The following RANBP2 variants were observed in gnomAD, a reference collection of about 807,000 sequenced individuals.
RANBP2 encodes E3 SUMO-protein ligase RanBP2.
RANBP2 carries 57 observed loss-of-function variants against 303.6 expected under a neutral mutation model. That is an observed-to-expected ratio of 0.19 (90% CI 0.15 to 0.23). The LOEUF (loss-of-function observed/expected upper bound fraction) is 0.23. Among genes scored for constraint, RANBP2 ranks in the 10% least tolerant of loss-of-function variants. The probability of loss-of-function intolerance (pLI) is 1.00; values close to 1 mark genes in which losing one functional copy is unlikely to be tolerated. For missense variants in RANBP2, 3,138 were observed against 3,780.8 expected (o/e 0.83, Z 4.46); for synonymous variants, 1,167 against 1,301.5 (o/e 0.90, Z 2.23).
the RANBP2 span, among the ~76,000 whole-genome samples, chr2:109,570,881 G>C: frequency 6.6e-6 from 1 of 152,176 alleles, no homozygotes; most frequent in Non-Finnish European, 1.5e-5. Context: ...AAGGATACAA[G>C]TAGGTTATAT....
chr2:109,433,545 G>A, the RANBP2 span, among the ~76,000 whole-genome samples: 6 of 152,336 alleles, frequency 3.9e-5, no homozygotes, highest in East Asian at 7.7e-4. Context: ...ACACAGAAGC[G>A]AAAGACGTGG....
At chr2:109,437,076 C>T in the RANBP2 span, 3 of 1,613,724 alleles carry the variant, frequency 1.9e-6, no homozygotes, top group South Asian at 1.1e-5. Context: ...CAGCCTCGCC[C>T]CCAACAGGCA....
chr2:109,420,680 C>T, the RANBP2 span, among the ~76,000 whole-genome samples: 1 of 152,132 alleles, frequency 6.6e-6, no homozygotes, highest in Admixed American at 6.5e-5. Flanking sequence ...CTCCTGATCT[C>T]GTGATCCGCC....
At chr2:109,049,936 T>C in the RANBP2 span, among the ~76,000 whole-genome samples, 1 of 152,188 alleles carries the variant, frequency 6.6e-6, no homozygotes. Flanking sequence ...GCTTGTCTCC[T>C]CTGGGTTCTG....
the RANBP2 span, chr2:109,347,935 C>A: frequency 6.2e-7 from 1 of 1,604,678 alleles, no homozygotes; most frequent in South Asian, 1.1e-5. Context: ...CAAGGACTGT[C>A]TGACCTTCAC....
the RANBP2 span, among the ~76,000 whole-genome samples, chr2:109,078,288 ATATATATATATAGCGTG>A: frequency 7.9e-6 from 1 of 126,542 alleles, no homozygotes; most frequent in African/African-American, 2.8e-5. Flanking sequence ...ATATATATAT[ATATATATATATAGCGTG>A]TATATATATA....
the RANBP2 span, chr2:108,847,062 A>T: frequency 3.2e-6 from 2 of 616,754 alleles, no homozygotes; most frequent in Non-Finnish European, 5.6e-6. Context: ...ATGGTTACAC[A>T]TTATAAAAAG....
the RANBP2 span, among the ~76,000 whole-genome samples, chr2:109,002,384 T>A: frequency 6.6e-6 from 1 of 152,230 alleles, no homozygotes; most frequent in Non-Finnish European, 1.5e-5. Flanking sequence ...TCACTCACTA[T>A]GTCTCCCTTG....
chr2:109,636,179 A>G, the RANBP2 span, among the ~76,000 whole-genome samples: 1 of 152,314 alleles, frequency 6.6e-6, no homozygotes, highest in East Asian at 1.9e-4. Flanking sequence ...GTGAGAAATA[A>G]ATGTCCGTTG....
At chr2:109,605,290 T>G in the RANBP2 span, 1 of 152,062 alleles carries the variant, frequency 6.6e-6, no homozygotes, top group Admixed American at 6.6e-5. Flanking sequence ...CCCAACATGG[T>G]GAAACTCTGT....
chr2:109,404,258 G>A, the RANBP2 span, among the ~76,000 whole-genome samples: 12 of 152,300 alleles, frequency 7.9e-5, no homozygotes, highest in African/African-American at 2.9e-4. Flanking sequence ...GCAGGAAAGG[G>A]CTTTAGGCTG....
the RANBP2 span, among the ~76,000 whole-genome samples, chr2:109,513,108 A>G: frequency 6.6e-6 from 1 of 152,076 alleles, no homozygotes; most frequent in Non-Finnish European, 1.5e-5. Context: ...ACCCCATGCC[A>G]TGCCACCCCA....
At chr2:108,807,768 C>T in the RANBP2 span, among the ~76,000 whole-genome samples, 1 of 152,132 alleles carries the variant, frequency 6.6e-6, no homozygotes, top group Non-Finnish European at 1.5e-5. Flanking sequence ...CAGGCGCCCA[C>T]CACCACACCT....
At chr2:109,047,921 C>A in the RANBP2 span, among the ~76,000 whole-genome samples, 1 of 152,366 alleles carries the variant, frequency 6.6e-6, no homozygotes, top group South Asian at 2.1e-4. Flanking sequence ...TTCTCCACAG[C>A]TGTTCCCTTG....
At chr2:108,996,334 C>A in the RANBP2 span, among the ~76,000 whole-genome samples, 1 of 152,168 alleles carries the variant, frequency 6.6e-6, no homozygotes, top group African/African-American at 2.4e-5. Flanking sequence ...AAGTCCAGCA[C>A]AGTTTCTCAC....
At chr2:109,318,820 T>G in the RANBP2 span, among the ~76,000 whole-genome samples, 1 of 152,194 alleles carries the variant, frequency 6.6e-6, no homozygotes, top group Non-Finnish European at 1.5e-5. Flanking sequence ...ACCCATCCAC[T>G]CAGAGGCAGA....
chr2:109,555,542 G>A, the RANBP2 span, among the ~76,000 whole-genome samples: 1 of 152,210 alleles, frequency 6.6e-6, no homozygotes, highest in South Asian at 2.1e-4. Flanking sequence ...TTAGTAAAGA[G>A]CAAACTATTC....
chr2:109,583,500 G>T, the RANBP2 span, among the ~76,000 whole-genome samples: 2 of 152,138 alleles, frequency 1.3e-5, no homozygotes, highest in Non-Finnish European at 2.9e-5. Context: ...AGATACTGGC[G>T]GGGCTGTAGA....
At chr2:108,754,832 A>G (rs1676172156) in intron 15 of RANBP2, 73 bp from the exon 16 acceptor site, 5 of 1,599,968 alleles carry the variant, frequency 3.1e-6, no homozygotes, top group Middle Eastern at 2.3e-4. Flanking sequence ...AAGATAAAAT[A>G]TATCATTTTA....
Sources: allele counts gnomAD v4.1 joint callset (sites outside exome capture counted in the v4.1 genomes callset), GRCh38; gene constraint gnomAD v4.1.1; transcripts MANE v1.5; gene names NCBI Gene and HGNC (gene_info 2026-07-23, HGNC 2026-07-21).